The following ADAMTS6 variants were observed in gnomAD, a reference collection of about 807,000 sequenced individuals.
ADAMTS6 encodes ADAM metallopeptidase with thrombospondin type 1 motif 6.
In ADAMTS6, 23 loss-of-function variants were observed where a neutral mutation model predicts 144.3. The ratio of observed to expected loss-of-function variants is 0.16; its 90% CI spans 0.11 to 0.23. The LOEUF is 0.23. Ranked by LOEUF, ADAMTS6 falls within the 10% of genes least tolerant of loss-of-function variation. The pLI is 1.00. For synonymous variants in ADAMTS6, 444 were observed against 457.5 expected, an observed-to-expected ratio of 0.97 and a Z score of 0.38; for missense variants, 999 against 1,379.6, an observed-to-expected ratio of 0.72 and a Z score of 4.37.
intron 17 of ADAMTS6, 33 bp downstream of exon 17, chr5:65,224,891 A>T (rs753002094): frequency 1.3e-6 from 2 of 1,589,544 alleles, no homozygotes; most frequent in Non-Finnish European, 1.7e-6. Flanking sequence ...AGTACACCAG[A>T]GGTGTGAGGA....
At chr5:65,451,753 T>G in intron 6 of ADAMTS6, 133 bp from the exon 7 acceptor site, 1 of 1,011,024 alleles carries the variant, frequency 9.9e-7, no homozygotes. Flanking sequence ...AATTTTTATC[T>G]CTGTAATATC....
At chr5:65,183,670 T>C (rs1308977111) in intron 22 of ADAMTS6, among the ~76,000 whole-genome samples, 1 of 137,258 alleles carries the variant, frequency 7.3e-6, no homozygotes, top group East Asian at 2.0e-4. Context: ...AAAATAAAAA[T>C]TTCTAGAAAA....
At chr5:65,444,862 A>G (rs1455123114) in intron 7 of ADAMTS6, among the ~76,000 whole-genome samples, 1 of 152,168 alleles carries the variant, frequency 6.6e-6, no homozygotes, top group African/African-American at 2.4e-5. Context: ...TCTACTAATT[A>G]CTGTGTGACC....
chr5:65,238,437 T>C (rs1758872095), intron 15 of ADAMTS6, among the ~76,000 whole-genome samples: 2 of 151,770 alleles, frequency 1.3e-5, no homozygotes, highest in African/African-American at 4.8e-5. Flanking sequence ...ACCCTGTGTC[T>C]ACAAAAAATA....
chr5:65,177,355 C>T (rs548495824), intron 22 of ADAMTS6, among the ~76,000 whole-genome samples: 7 of 152,306 alleles, frequency 4.6e-5, no homozygotes, highest in East Asian at 3.9e-4. Flanking sequence ...AAGTCAATTT[C>T]GCCTCAAACT....
At position 65,267,178 on chromosome 5, in the gene ADAMTS6, GAT is replaced by G. The variant is rs1427747418; in HGVS notation, c.1621-4218_1621-4217del. Among the ~76,000 whole-genome samples, 23 of 152,100 alleles carry G rather than the reference GAT, an allele frequency of 1.5e-4. No homozygotes were observed. In the East Asian group the frequency reaches 4.0e-3, roughly 27 times the overall value. On this transcript the variant is annotated intron_variant, in intron 12 of 24. Transcript: ENST00000381055. The stretch of plus-strand genomic sequence containing the variant: ...CCTGTAAAAGCTCTATTTACAGAGA[GAT>G]AGAATTTTACTTTACGTTTTAAACT...
chr5:65,452,278 G>GT lies in ADAMTS6; in HGVS notation c.844-63dup. On this transcript the variant is annotated intron_variant, in intron 5 of 24. Coordinates refer to ENST00000381055, the MANE Select transcript of ADAMTS6 (RefSeq NM_197941.4). The stretch of plus-strand genomic sequence containing the variant: ...ACAAAAATTATAGGGTGATAGTTTG[G>GT]TTTTTTAAGTGCTAAAACAATTTTT... The GT allele has an allele frequency of 5.6e-6, 8 of 1,437,654 alleles. No individual in the cohort carries two copies. The South Asian group carries it at 9.4e-5, about 17-fold the overall frequency. 89.1% of individuals were successfully genotyped at this position (1,437,654 alleles called of 1,614,324 possible). A position where few individuals can be genotyped will look rare whatever the true frequency, so the allele number is the denominator to read the frequency against.
At chr5:65,420,579 C>T (rs1755939574) in intron 7 of ADAMTS6, among the ~76,000 whole-genome samples, 1 of 152,102 alleles carries the variant, frequency 6.6e-6, no homozygotes, top group Non-Finnish European at 1.5e-5. Context: ...CGTGGTTTCT[C>T]CATGTTGGTC....
intron 11 of ADAMTS6, among the ~76,000 whole-genome samples, chr5:65,277,008 A>G (rs1449479841): frequency 6.6e-6 from 1 of 152,156 alleles, no homozygotes; most frequent in Admixed American, 6.5e-5. Context: ...ATAATCCTAA[A>G]TTTTGTTTTG....
At chr5:65,291,864 G>T (rs911698187) in intron 10 of ADAMTS6, among the ~76,000 whole-genome samples, 3 of 152,100 alleles carry the variant, frequency 2.0e-5, no homozygotes, top group East Asian at 3.9e-4. Flanking sequence ...AAATAATTAT[G>T]GTTATAATCC....
chr5:65,405,761 G>A (rs1304729868), intron 7 of ADAMTS6, among the ~76,000 whole-genome samples: 6 of 152,146 alleles, frequency 3.9e-5, no homozygotes, highest in South Asian at 2.1e-4. Context: ...CACGATATTG[G>A]CTCTTCCTAT....
At chr5:65,175,543 C>CTGAGGACTTCCTA (rs202157899) in intron 22 of ADAMTS6, among the ~76,000 whole-genome samples, 2,888 of 152,292 alleles carry the variant, frequency 0.019, 88 homozygotes, top group African/African-American at 0.066. Flanking sequence ...CCCGAAAGCA[C>CTGAGGACTTCCTA]TGAGGACTTC....
At chr5:65,334,301 T>C (rs1046948674) in intron 7 of ADAMTS6, among the ~76,000 whole-genome samples, 1 of 152,164 alleles carries the variant, frequency 6.6e-6, no homozygotes, top group East Asian at 1.9e-4. Context: ...ATAGAACACC[T>C]GCCAGTAAGA....
chr5:65,376,633 C>T (rs891115620), intron 7 of ADAMTS6, among the ~76,000 whole-genome samples: 2 of 152,028 alleles, frequency 1.3e-5, no homozygotes, highest in Non-Finnish European at 2.9e-5. Context: ...GAATTCAAGA[C>T]TATCCTGAGC....
chr5:65,215,068 C>T lies in ADAMTS6; in HGVS notation c.2437-136G>A. ...TAATATAAAACACATGCATTTATAT[C>T]AAATTTTCTCCTCCCATTTTCATGG... On this transcript the variant is annotated intron_variant, in intron 19 of 24. Transcript: ENST00000381055. 3.4e-6 allele frequency: 4 copies of T among 1,192,874 alleles called. No homozygotes were observed. In the East Asian group the frequency reaches 1.0e-4, roughly 30 times the overall value. 73.9% of individuals were successfully genotyped at this position (1,192,874 alleles called of 1,614,324 possible).
chr5:65,452,855 G>A lies in ADAMTS6; in HGVS notation c.695C>T (p.Pro232Leu), dbSNP rs759674207. The A allele has an allele frequency of 1.2e-6, 2 of 1,613,876 alleles. No individual in the cohort carries two copies. The highest frequency in any genetic ancestry group is 1.7e-6 in the Non-Finnish European group (2 of 1,179,952). ...NDTSTVSYSLPINNTHIHHRQ... is the reference protein window; with the variant it reads ...NDTSTVSYSLLINNTHIHHRQ... ...GTGGTGGATATGTGTGTTGTTAATT[G>A]GTAGTGAATAAGAAACAGTGGATGT... Residue 232 changes from proline (P) to leucine (L), a missense_variant, in exon 5 of 25, where the codon CCA (proline) becomes CTA (leucine). By Grantham distance (98) the Pro-to-Leu change is moderately conservative. Transcript: ENST00000381055.
In ADAMTS6 at chr5:65,352,176, GATAAA is replaced by G. The variant is rs548739156; in HGVS notation, c.1074-18096_1074-18092del. Among the ~76,000 whole-genome samples, 644 of 151,984 alleles carry G rather than the reference GATAAA, an allele frequency of 4.2e-3. 3 individuals are homozygous for G. The highest frequency in any genetic ancestry group is 0.015 in the African/African-American group (611 of 41,490). ...CATAGATGCAAAGATGTTTATAAGT[GATAAA>G]ATAAGAAAAAAGGTGAATTTGTTGC... On this transcript the variant is annotated intron_variant, in intron 7 of 24. Transcript: ENST00000381055.
At chr5:65,289,607 CAATT>C (rs1330403168) in intron 11 of ADAMTS6, among the ~76,000 whole-genome samples, 1 of 152,064 alleles carries the variant, frequency 6.6e-6, no homozygotes, top group East Asian at 1.9e-4. Context: ...CATTTCAAAT[CAATT>C]AGTCTGAACT....
intron 7 of ADAMTS6, among the ~76,000 whole-genome samples, chr5:65,412,143 C>A (rs1292248996): frequency 2.0e-5 from 3 of 151,982 alleles, no homozygotes; most frequent in Admixed American, 2.0e-4. Flanking sequence ...AGTAAAGTGG[C>A]AAAATGCAAG....
Sources: gnomAD v4.1 joint callset for allele counts (sites outside exome capture counted in the v4.1 genomes callset) on GRCh38, gnomAD v4.1.1 for gene constraint, MANE v1.5 for transcripts, NCBI Gene and HGNC (gene_info 2026-07-23, HGNC 2026-07-21) for gene names.